Variants in GALNT17 observed in about 807,000 individuals in gnomAD.
GALNT17 encodes polypeptide N-acetylgalactosaminyltransferase 17.
GALNT17 carries 29 observed loss-of-function variants against 63.7 expected under a neutral mutation model. The observed-to-expected ratio is 0.46, with a 90% confidence interval of 0.34 to 0.62. GALNT17 has a LOEUF of 0.62. GALNT17 is among the 20% of genes least tolerant of loss of function. The pLI is 0.01. For synonymous variants in GALNT17, 305 were observed against 318.3 expected (o/e 0.96, Z 0.45); for missense variants, 603 against 799.6 (o/e 0.75, Z 2.97).
chr7:71,316,466 A>G (rs1562996344), intron 1 of GALNT17, among the ~76,000 whole-genome samples: 1 of 152,158 alleles, frequency 6.6e-6, no homozygotes, highest in Admixed American at 6.5e-5. Flanking sequence ...TTGCTTCTCA[A>G]TTATTTGTTG....
At chr7:71,633,395 G>A (rs763971349) in intron 6 of GALNT17, among the ~76,000 whole-genome samples, 3 of 152,150 alleles carry the variant, frequency 2.0e-5, no homozygotes, top group Admixed American at 1.3e-4. Flanking sequence ...CTGAGGCTAC[G>A]CAGTTTGTCC....
At chr7:71,376,082 A>AAAACAG (rs1554361847) in intron 2 of GALNT17, among the ~76,000 whole-genome samples, 3 of 143,672 alleles carry the variant, frequency 2.1e-5, no homozygotes, top group African/African-American at 2.5e-5. Context: ...CCATCTCCAA[A>AAAACAG]AAAAAGAAAA....
intron 1 of GALNT17, among the ~76,000 whole-genome samples, chr7:71,317,529 A>G (rs567272797): frequency 6.6e-6 from 1 of 152,212 alleles, no homozygotes; most frequent in South Asian, 2.1e-4. Flanking sequence ...AGAACAGCAT[A>G]AAGATGCTAG....
At chr7:71,497,031 T>A (rs1274504655) in intron 5 of GALNT17, among the ~76,000 whole-genome samples, 1 of 152,094 alleles carries the variant, frequency 6.6e-6, no homozygotes, top group Non-Finnish European at 1.5e-5. Flanking sequence ...TGAGCTATGA[T>A]CAAGCCACTG....
chr7:71,593,549 C>G (rs1014011129), intron 6 of GALNT17, among the ~76,000 whole-genome samples: 1 of 152,122 alleles, frequency 6.6e-6, no homozygotes, highest in Non-Finnish European at 1.5e-5. Flanking sequence ...CAGGCGTGAG[C>G]CACCACGCCT....
At chr7:71,407,492 A>G (rs1793350012) in intron 3 of GALNT17, among the ~76,000 whole-genome samples, 1 of 152,238 alleles carries the variant, frequency 6.6e-6, no homozygotes, top group South Asian at 2.1e-4. Context: ...TCATTCGTGT[A>G]ATCCCAGCAC....
At chr7:71,536,853 A>T (rs1788810356) in intron 5 of GALNT17, among the ~76,000 whole-genome samples, 1 of 152,212 alleles carries the variant, frequency 6.6e-6, no homozygotes, top group African/African-American at 2.4e-5. Flanking sequence ...GCAAGATCTG[A>T]ACTTGGAAGA....
chr7:71,609,712 T>C lies in GALNT17; in HGVS notation c.1080+38310T>C, dbSNP rs1023897353. Among the ~76,000 whole-genome samples, 3 of 152,088 alleles carry C rather than the reference T, an allele frequency of 2.0e-5. 1 individual carries two copies. Among genetic ancestry groups the C allele is most frequent in the Non-Finnish European group, 4.4e-5 (3 of 68,018 alleles). ...TCCAATTACATTCTTCAAGTTATTT[T>C]AATGTATACTATATGTATATAGTGT... is the stretch of plus-strand genomic sequence containing the variant. On this transcript the variant is annotated intron_variant, in intron 6 of 10. Coordinates refer to ENST00000333538, the MANE Select transcript of GALNT17 (RefSeq NM_022479.3).
At chr7:71,221,337 G>C (rs1585891340) in intron 1 of GALNT17, among the ~76,000 whole-genome samples, 1 of 150,310 alleles carries the variant, frequency 6.7e-6, no homozygotes, top group East Asian at 2.0e-4. Flanking sequence ...TCATTGATGG[G>C]CATTTAGGTT....
chr7:71,142,534 G>A (rs534438082), intron 1 of GALNT17, among the ~76,000 whole-genome samples: 6 of 152,336 alleles, frequency 3.9e-5, no homozygotes, highest in South Asian at 2.1e-4. Context: ...GCCGCGAGGC[G>A]TAGACTAGAT....
chr7:71,246,182 C>T (rs1327220179), intron 1 of GALNT17, among the ~76,000 whole-genome samples: 4 of 131,432 alleles, frequency 3.0e-5, no homozygotes, highest in Admixed American at 9.1e-5. Context: ...AGTGCAATGG[C>T]GCGATCTCTG....
chr7:71,357,417 T>TC (rs1792307782), intron 2 of GALNT17, among the ~76,000 whole-genome samples: 1 of 151,764 alleles, frequency 6.6e-6, no homozygotes. Flanking sequence ...CCATTCCCCA[T>TC]CCCCCCACAC....
At chr7:71,337,960 C>A (rs1364880033) in intron 2 of GALNT17, among the ~76,000 whole-genome samples, 2 of 151,978 alleles carry the variant, frequency 1.3e-5, no homozygotes, top group African/African-American at 4.8e-5. Flanking sequence ...CTTTGGGAAG[C>A]CAATCGCTTT....
At chr7:71,701,785 ATATATATGTGTGTGTGTG>A (rs1362800568) in intron 9 of GALNT17, among the ~76,000 whole-genome samples, 4 of 22,558 alleles carry the variant, frequency 1.8e-4, no homozygotes, top group Non-Finnish European at 3.4e-4. Context: ...GTGTGTGTGT[ATATATATGTGTGTGTGTG>A]TATATATATA....
chr7:71,572,519 A>ACC (rs199721679), intron 6 of GALNT17, among the ~76,000 whole-genome samples: 1 of 148,210 alleles, frequency 6.7e-6, no homozygotes, highest in Admixed American at 6.7e-5. Context: ...AAAAAAAAAA[A>ACC]AAAAAAAAAA....
At chr7:71,644,184 C>G (rs540546242) in intron 6 of GALNT17, among the ~76,000 whole-genome samples, 1 of 152,022 alleles carries the variant, frequency 6.6e-6, no homozygotes, top group South Asian at 2.1e-4. Context: ...ATGAGGACAG[C>G]TTGAGACTGG....
chr7:71,470,066 G>A (rs760994858), intron 5 of GALNT17, among the ~76,000 whole-genome samples: 14 of 152,076 alleles, frequency 9.2e-5, no homozygotes, highest in Admixed American at 5.9e-4. Context: ...AAACGTAGCC[G>A]TGCATGGTGG....
chr7:71,158,695 G>C (rs1367233566), intron 1 of GALNT17, among the ~76,000 whole-genome samples: 3 of 151,710 alleles, frequency 2.0e-5, no homozygotes, highest in Non-Finnish European at 2.9e-5. Flanking sequence ...TCCTACCTCA[G>C]ACTCCCGAGT....
rs111708097 is a variant in GALNT17 at position 71,183,338 on chromosome 7, C to G, written c.238+50298C>G. Among the ~76,000 whole-genome samples the G allele has an allele frequency of 2.5e-3, 381 of 152,270 alleles. 1 individual carries two copies. The highest frequency in any genetic ancestry group is 8.5e-3 in the African/African-American group (352 of 41,552). On this transcript the variant is annotated intron_variant, in intron 1 of 10. Coordinates refer to ENST00000333538, the MANE Select transcript of GALNT17 (RefSeq NM_022479.3). ...AGGAATCACTCCTGAGCAGAGCCCA[C>G]TGATCTTGGCCTGGTGTGCTATTTG... is the stretch of plus-strand genomic sequence containing the variant.
Sources: allele counts gnomAD v4.1 joint callset (sites outside exome capture counted in the v4.1 genomes callset), GRCh38; gene constraint gnomAD v4.1.1; transcripts MANE v1.5; gene names NCBI Gene and HGNC (gene_info 2026-07-23, HGNC 2026-07-21).